The following MBD5 variants were observed in gnomAD, a reference collection of about 807,000 sequenced individuals.
MBD5 encodes the protein methyl-CpG-binding domain protein 5.
In MBD5, 13 loss-of-function variants were observed where a neutral mutation model predicts 117.3. The ratio of observed to expected loss-of-function variants is 0.11; its 90% CI spans 0.07 to 0.18. The LOEUF is 0.18. Among genes scored for constraint, MBD5 ranks in the 10% least tolerant of loss-of-function variants. The probability of loss-of-function intolerance (pLI) is 1.00; values close to 1 mark genes in which losing one functional copy is unlikely to be tolerated. For missense variants in MBD5, 1,879 were observed against 2,093.8 expected (o/e 0.90, Z 2.00); for synonymous variants, 727 against 766.4 (o/e 0.95, Z 0.85).
At chr2:148,195,137 G>T (rs1030981710) in intron 2 of MBD5, among the ~76,000 whole-genome samples, 2 of 146,342 alleles carry the variant, frequency 1.4e-5, no homozygotes, top group African/African-American at 5.5e-5. Context: ...GTTAGATATA[G>T]GGGGTAGACT....
intron 10 of MBD5, 106 bp from the exon 11 acceptor site, chr2:148,489,280 G>A: frequency 7.4e-7 from 1 of 1,346,578 alleles, no homozygotes; most frequent in Non-Finnish European, 1.0e-6. Context: ...TTCCTTCCTT[G>A]TTAATATTTG....
At chr2:148,259,323 AAAGACTCGTTCATTCTCAGTG>A (rs1700676098) in intron 3 of MBD5, among the ~76,000 whole-genome samples, 1 of 152,108 alleles carries the variant, frequency 6.6e-6, no homozygotes, top group Admixed American at 6.5e-5. Flanking sequence ...CTCTGCAAGC[AAAGACTCGTTCATTCTCAGTG>A]CTCTGTGCTT....
intron 1 of MBD5, among the ~76,000 whole-genome samples, chr2:148,138,145 T>A (rs1274139508): frequency 6.6e-6 from 1 of 152,224 alleles, no homozygotes; most frequent in Non-Finnish European, 1.5e-5. Context: ...TAGCAATAGC[T>A]ATCTTTACTG....
intron 4 of MBD5, among the ~76,000 whole-genome samples, chr2:148,352,986 T>G (rs1459692158): frequency 1.4e-4 from 21 of 152,080 alleles, no homozygotes. Context: ...ATATGTAAAA[T>G]TTTACTCAAA....
At chr2:148,262,050 C>G (rs1277613405) in intron 3 of MBD5, among the ~76,000 whole-genome samples, 1 of 152,080 alleles carries the variant, frequency 6.6e-6, no homozygotes, top group African/African-American at 2.4e-5. Flanking sequence ...TACAAGGTCA[C>G]TGATCACGGA....
chr2:148,431,510 A>T (rs1271991380), intron 4 of MBD5, among the ~76,000 whole-genome samples: 1 of 151,620 alleles, frequency 6.6e-6, no homozygotes, highest in Non-Finnish European at 1.5e-5. Flanking sequence ...ATACTACCTG[A>T]TAGGTATTTT....
chr2:148,218,299 G>A (rs1199108325), intron 2 of MBD5, among the ~76,000 whole-genome samples: 5 of 152,066 alleles, frequency 3.3e-5, no homozygotes, highest in Non-Finnish European at 5.9e-5. Flanking sequence ...TTGGATCAAC[G>A]GATACCTGAG....
intron 1 of MBD5, among the ~76,000 whole-genome samples, chr2:148,059,718 C>T: frequency 6.6e-6 from 1 of 151,804 alleles, no homozygotes; most frequent in Middle Eastern, 3.2e-3. Context: ...GTGTGGCGGG[C>T]ACCTGTAGTC....
intron 2 of MBD5, among the ~76,000 whole-genome samples, chr2:148,205,781 T>G (rs1699262665): frequency 6.6e-6 from 1 of 152,076 alleles, no homozygotes; most frequent in African/African-American, 2.4e-5. Flanking sequence ...ATCCCAGCAC[T>G]GTTGGAGGCC....
chr2:148,385,992 G>C (rs1704346969), intron 4 of MBD5, among the ~76,000 whole-genome samples: 1 of 149,366 alleles, frequency 6.7e-6, no homozygotes, highest in Admixed American at 6.7e-5. Flanking sequence ...GATAGCATTA[G>C]GAGATATACC....
chr2:148,153,305 A>T (rs1574073080), intron 1 of MBD5, among the ~76,000 whole-genome samples: 2 of 151,992 alleles, frequency 1.3e-5, no homozygotes, highest in African/African-American at 4.8e-5. Flanking sequence ...CTGCTGAGAG[A>T]TCCACTGTTA....
intron 1 of MBD5, among the ~76,000 whole-genome samples, chr2:148,172,411 G>A (rs1023107402): frequency 1.3e-5 from 2 of 152,216 alleles, no homozygotes; most frequent in African/African-American, 4.8e-5. Flanking sequence ...GGGCTGTGCA[G>A]ACATGCCAGC....
intron 4 of MBD5, among the ~76,000 whole-genome samples, chr2:148,423,958 C>T (rs960338905): frequency 6.6e-6 from 1 of 151,792 alleles, no homozygotes; most frequent in Non-Finnish European, 1.5e-5. Context: ...GCAGGCAGAT[C>T]ACGAGGTCAG....
chr2:148,407,619 AAT>A (rs1338612784), intron 4 of MBD5, among the ~76,000 whole-genome samples: 1 of 152,134 alleles, frequency 6.6e-6, no homozygotes, highest in Non-Finnish European at 1.5e-5. Flanking sequence ...TTTCAAAAAT[AAT>A]ATTATGTTGT....
chr2:148,074,598 G>A (rs1443427837), intron 1 of MBD5, among the ~76,000 whole-genome samples: 2 of 149,708 alleles, frequency 1.3e-5, no homozygotes, highest in Admixed American at 6.8e-5. Flanking sequence ...CCCTCCCCGG[G>A]TTCAAGCAGT....
At chr2:148,336,636 C>T (rs1297599788) in intron 3 of MBD5, among the ~76,000 whole-genome samples, 1 of 152,192 alleles carries the variant, frequency 6.6e-6, no homozygotes, top group Non-Finnish European at 1.5e-5. Context: ...GTTCTCCCAC[C>T]TCAGCCTTCC....
rs1473970327 is a variant in MBD5, at chr2:148,057,346, T to TA, written c.-925+35663dup. On this transcript the variant is annotated intron_variant, in intron 1 of 13. Coordinates refer to ENST00000642680, the MANE Select transcript of MBD5 (RefSeq NM_001378120.1). ...TTTATCTTTTTAAACTTTAAGTACT[T>TA]ACGGCCATTAATTATCCTTTAAGTA... Among the ~76,000 whole-genome samples, 9 of 151,976 alleles carry TA rather than the reference T, an allele frequency of 5.9e-5. No homozygotes were observed. In the East Asian group the frequency reaches 7.7e-4, roughly 13 times the overall value.
intron 5 of MBD5, among the ~76,000 whole-genome samples, chr2:148,460,595 A>G (rs1483554986): frequency 1.3e-5 from 2 of 152,220 alleles, no homozygotes; most frequent in Non-Finnish European, 2.9e-5. Flanking sequence ...TCAGGGTGGC[A>G]TTGAGGCTAC....
At chr2:148,227,135 AT>A (rs1204954852) in intron 2 of MBD5, among the ~76,000 whole-genome samples, 1 of 152,138 alleles carries the variant, frequency 6.6e-6, no homozygotes, top group Non-Finnish European at 1.5e-5. Flanking sequence ...CCATTTGTCA[AT>A]TTTGGCTTTT....
Sources: gnomAD v4.1 joint callset for allele counts (sites outside exome capture counted in the v4.1 genomes callset) on GRCh38, gnomAD v4.1.1 for gene constraint, MANE v1.5 for transcripts, NCBI Gene and HGNC (gene_info 2026-07-23, HGNC 2026-07-21) for gene names.